The following ANK2 variants were observed in gnomAD, a reference collection of about 807,000 sequenced individuals.
ANK2 encodes the protein ankyrin 2.
In ANK2, 83 loss-of-function variants were observed where a neutral mutation model predicts 360.5. The observed-to-expected ratio is 0.23, with a 90% CI of 0.19 to 0.28. ANK2 has a LOEUF of 0.28. Among genes scored for constraint, ANK2 ranks in the 10% least tolerant of loss-of-function variants. ANK2 has a pLI of 1.00. For missense variants in ANK2, 4,201 were observed against 4,795.7 expected (o/e 0.88, Z 3.66); for synonymous variants, 1,740 against 1,759.5 (o/e 0.99, Z 0.28).
chr4:113,252,767 G>A (rs1178089701), intron 10 of ANK2, among the ~76,000 whole-genome samples: 5 of 151,940 alleles, frequency 3.3e-5, no homozygotes, highest in South Asian at 4.2e-4. Flanking sequence ...ACTCCCTTAC[G>A]TATTCATACT....
chr4:113,285,546 A>G (rs2064116243), intron 18 of ANK2, among the ~76,000 whole-genome samples: 2 of 152,206 alleles, frequency 1.3e-5, no homozygotes. Context: ...ATTACAAAGG[A>G]TGAAGATGAG....
the ANK2 span, among the ~76,000 whole-genome samples, chr4:112,751,729 G>A: frequency 1.3e-5 from 2 of 152,050 alleles, no homozygotes; most frequent in Non-Finnish European, 2.9e-5. Flanking sequence ...CCACCAGATG[G>A]CAGAGATCTT....
At chr4:112,738,811 GAAGGTTC>G in the ANK2 span, 8 of 625,924 alleles carry the variant, frequency 1.3e-5, no homozygotes, top group Admixed American at 5.5e-5. Flanking sequence ...AGGGTTCATA[GAAGGTTC>G]AAGGCCCAGA....
Position 113,354,706 on chromosome 4 carries a change from G to C in ANK2, c.6088G>C (p.Glu2030Gln), listed in dbSNP as rs1226590997. Residue 2030 changes from glutamate to glutamine, a missense_variant, in exon 38 of 46, where the codon GAA (glutamate) becomes CAA (glutamine). Around this residue, in one of 4 missense-constraint regions of ANK2, gnomAD observed 2,642 missense variants for 2,714.5 expected, o/e 0.97. Transcript: ENST00000357077. ...QPQEKGKVRV[E>Q]KEKGPILTQR... ...ACAAGAGAAAGGTAAAGTTCGGGTAGAAAAAGAAAAGGGGCCGATACTAAC... is the reference window on the plus strand; with the variant it reads ...ACAAGAGAAAGGTAAAGTTCGGGTACAAAAAGAAAAGGGGCCGATACTAAC... 1 of 1,613,790 alleles carries C rather than the reference G, an allele frequency of 6.2e-7. No homozygotes were observed.
Position 112,947,665 on chromosome 4 carries a change from A to C in ANK2, c.21+43151A>C, listed in dbSNP as rs145398874. On this transcript the variant is annotated intron_variant, in intron 2 of 30. Transcript: ENST00000503271. ...GCTTGAGTTCACAGCCAGGTGTTTCACTAATAGCTGTGTTACCTTCAGCAA... is the reference window on the plus strand; with the variant it reads ...GCTTGAGTTCACAGCCAGGTGTTTCCCTAATAGCTGTGTTACCTTCAGCAA... Among the ~76,000 whole-genome samples, 92 of 152,332 alleles carry C rather than the reference A, an allele frequency of 6.0e-4. 1 individual carries two copies. The highest frequency in any genetic ancestry group is 2.4e-3 in the Admixed American group (37 of 15,304).
At chr4:113,077,255 T>A (rs1166100952) in intron 1 of ANK2, among the ~76,000 whole-genome samples, 1 of 151,990 alleles carries the variant, frequency 6.6e-6, no homozygotes, top group Non-Finnish European at 1.5e-5. Context: ...AGAAATAAGA[T>A]TTAAAAAGTT....
chr4:113,007,208 G>A (rs946041540), intron 2 of ANK2, among the ~76,000 whole-genome samples: 1 of 152,142 alleles, frequency 6.6e-6, no homozygotes, highest in Non-Finnish European at 1.5e-5. Flanking sequence ...TGCCCGATTT[G>A]AGTATTTTGT....
the ANK2 span, among the ~76,000 whole-genome samples, chr4:112,706,966 C>T: frequency 4.6e-5 from 7 of 152,142 alleles, no homozygotes; most frequent in East Asian, 1.9e-4. Flanking sequence ...TAGATTTTTT[C>T]CCCCCGGCTA....
At chr4:112,806,649 G>A in the ANK2 span, among the ~76,000 whole-genome samples, 1 of 151,894 alleles carries the variant, frequency 6.6e-6, no homozygotes, top group Non-Finnish European at 1.5e-5. Flanking sequence ...GGGAAACATG[G>A]CAAGACCCAG....
intron 2 of ANK2, among the ~76,000 whole-genome samples, chr4:113,020,501 A>T (rs2057766471): frequency 6.6e-6 from 1 of 152,134 alleles, no homozygotes; most frequent in Non-Finnish European, 1.5e-5. Context: ...AGCCTGAGGC[A>T]GTCTTAACGA....
chr4:113,113,670 C>G (rs189895998), intron 1 of ANK2, among the ~76,000 whole-genome samples: 2 of 152,248 alleles, frequency 1.3e-5, no homozygotes, highest in East Asian at 3.9e-4. Context: ...AATTATATCT[C>G]TGCTGGAGGT....
intron 1 of ANK2, among the ~76,000 whole-genome samples, chr4:113,161,147 T>C (rs191259530): frequency 2.6e-5 from 4 of 152,328 alleles, no homozygotes; most frequent in Admixed American, 2.6e-4. Context: ...AATCAGGAAT[T>C]TCCTTACTTT....
intron 1 of ANK2, among the ~76,000 whole-genome samples, chr4:113,068,349 G>T (rs529631664): frequency 3.3e-5 from 5 of 152,302 alleles, no homozygotes; most frequent in African/African-American, 1.2e-4. Flanking sequence ...AAATGATTTG[G>T]ATACTGGAAG....
At chr4:112,845,590 G>A (rs2063110705) in intron 1 of ANK2, among the ~76,000 whole-genome samples, 1 of 152,124 alleles carries the variant, frequency 6.6e-6, no homozygotes, top group Non-Finnish European at 1.5e-5. Flanking sequence ...CTGGGGTTGG[G>A]GAAGTTGAAT....
At chr4:113,181,166 T>C (rs570156448) in intron 2 of ANK2, among the ~76,000 whole-genome samples, 1 of 152,352 alleles carries the variant, frequency 6.6e-6, no homozygotes, top group Non-Finnish European at 1.5e-5. Context: ...TTTCGAAATG[T>C]GACTCTTCTT....
intron 2 of ANK2, among the ~76,000 whole-genome samples, chr4:112,947,444 C>T (rs2094615042): frequency 6.6e-6 from 1 of 152,058 alleles, no homozygotes; most frequent in African/African-American, 2.4e-5. Flanking sequence ...GAGAAGATGA[C>T]TGAAATTTGC....
chr4:113,216,506 T>G (rs1014306777), intron 4 of ANK2, among the ~76,000 whole-genome samples: 6 of 152,346 alleles, frequency 3.9e-5, no homozygotes, highest in African/African-American at 1.4e-4. Flanking sequence ...TGATTGCCAA[T>G]GAAATGCCTT....
chr4:112,776,606 C>T, the ANK2 span, among the ~76,000 whole-genome samples: 1 of 152,196 alleles, frequency 6.6e-6, no homozygotes, highest in Non-Finnish European at 1.5e-5. Context: ...GTGTCTTTAG[C>T]TCAAAATAAC....
chr4:113,203,194 TG>T (rs951202982), intron 4 of ANK2, among the ~76,000 whole-genome samples: 5 of 152,340 alleles, frequency 3.3e-5, no homozygotes, highest in African/African-American at 1.2e-4. Context: ...TACGTGATGT[TG>T]GGATGATTTC....
Sources: gnomAD v4.1 joint callset for allele counts (sites outside exome capture counted in the v4.1 genomes callset) on GRCh38, gnomAD v4.1.1 for gene constraint, gnomAD v4.1.1 regional missense constraint, MANE v1.5 for transcripts, NCBI Gene and HGNC (gene_info 2026-07-23, HGNC 2026-07-21) for gene names.